The following PHF21B variants were observed in gnomAD, a reference collection of about 807,000 sequenced individuals.
The protein encoded by PHF21B is PHD finger protein 4.
In PHF21B, 22 loss-of-function variants were observed where a neutral mutation model predicts 62.2. The ratio of observed to expected loss-of-function variants is 0.35; its 90% CI spans 0.25 to 0.51. PHF21B has a LOEUF of 0.51. Ranked by LOEUF, PHF21B falls within the 20% of genes least tolerant of loss-of-function variation. The pLI is 0.97. For missense variants in PHF21B, 701 were observed against 707.9 expected, an observed-to-expected ratio of 0.99 and a Z score of 0.11; for synonymous variants, 341 against 314.7, an observed-to-expected ratio of 1.08 and a Z score of -0.88.
At chr22:44,977,824 T>C (rs988588073) in intron 2 of PHF21B, among the ~76,000 whole-genome samples, 4 of 151,572 alleles carry the variant, frequency 2.6e-5, no homozygotes, top group Admixed American at 2.6e-4. Flanking sequence ...TGGCCTCAAG[T>C]AATCCTCCCA....
At chr22:44,983,898 T>C (rs1281217898) in intron 2 of PHF21B, among the ~76,000 whole-genome samples, 1 of 151,860 alleles carries the variant, frequency 6.6e-6, no homozygotes, top group East Asian at 2.0e-4. Flanking sequence ...AAAGGGAAGT[T>C]TGGGGAGATT....
intron 2 of PHF21B, among the ~76,000 whole-genome samples, chr22:44,999,088 C>T (rs1313745701): frequency 6.6e-6 from 1 of 152,176 alleles, no homozygotes; most frequent in African/African-American, 2.4e-5. Flanking sequence ...CAATCGGAGC[C>T]GCCAAGGGAT....
chr22:44,907,813 G>A (rs890937265), intron 5 of PHF21B, among the ~76,000 whole-genome samples: 8 of 152,194 alleles, frequency 5.3e-5, no homozygotes, highest in African/African-American at 1.9e-4. Flanking sequence ...CATAGGCCCT[G>A]ACAATTATTA....
At chr22:44,887,456 TCTCA>T (rs2070879239) in intron 10 of PHF21B, among the ~76,000 whole-genome samples, 1 of 152,126 alleles carries the variant, frequency 6.6e-6, no homozygotes, top group Non-Finnish European at 1.5e-5. Flanking sequence ...TGGCGGAATA[TCTCA>T]CTGAGTGCAG....
intron 2 of PHF21B, among the ~76,000 whole-genome samples, chr22:44,988,459 CA>C (rs896444809): frequency 4.7e-5 from 7 of 150,414 alleles, no homozygotes; most frequent in African/African-American, 1.7e-4. Context: ...AAGACCCTGT[CA>C]AAAGAAAGGA....
intron 5 of PHF21B, among the ~76,000 whole-genome samples, chr22:44,906,810 G>C (rs2071259291): frequency 6.6e-6 from 1 of 152,206 alleles, no homozygotes; most frequent in Non-Finnish European, 1.5e-5. Context: ...GGAGAAGGAA[G>C]GGGAAGCACA....
intron 2 of PHF21B, among the ~76,000 whole-genome samples, chr22:44,974,342 A>T (rs1037608052): frequency 4.6e-5 from 7 of 151,134 alleles, no homozygotes; most frequent in Non-Finnish European, 7.4e-5. Context: ...TGAGGCCAGG[A>T]GGTTGAGACT....
intron 11 of PHF21B, 80 bp downstream of exon 11, chr22:44,885,783 C>T: frequency 7.1e-7 from 1 of 1,418,240 alleles, no homozygotes; most frequent in South Asian, 1.3e-5. Context: ...TGTCCTCCCA[C>T]AGGACCAGGT....
At chr22:44,923,516 T>C (rs754561774) in intron 2 of PHF21B, among the ~76,000 whole-genome samples, 1 of 152,018 alleles carries the variant, frequency 6.6e-6, no homozygotes, top group Non-Finnish European at 1.5e-5. Flanking sequence ...ATAAATTAAC[T>C]TCAACAAAAT....
At chr22:44,976,258 CATCAA>C (rs2072736675) in intron 2 of PHF21B, among the ~76,000 whole-genome samples, 1 of 152,190 alleles carries the variant, frequency 6.6e-6, no homozygotes, top group African/African-American at 2.4e-5. Context: ...ATTGTGTAAT[CATCAA>C]ATCAAGGTAT....
intron 5 of PHF21B, among the ~76,000 whole-genome samples, chr22:44,912,755 T>G (rs550323887): frequency 6.6e-6 from 1 of 151,736 alleles, no homozygotes; most frequent in Admixed American, 6.6e-5. Context: ...GTGCACACCT[T>G]GTAGTCCCAG....
intron 2 of PHF21B, among the ~76,000 whole-genome samples, chr22:44,969,606 C>T (rs565556562): frequency 6.6e-6 from 1 of 152,090 alleles, no homozygotes; most frequent in Admixed American, 6.5e-5. Flanking sequence ...GTAGAGGTTA[C>T]AGTGAGCTGA....
At chr22:44,960,188 C>G (rs1006468580) in intron 2 of PHF21B, among the ~76,000 whole-genome samples, 1 of 152,226 alleles carries the variant, frequency 6.6e-6, no homozygotes, top group African/African-American at 2.4e-5. Flanking sequence ...GAGGCCTCCA[C>G]AAGCCACGGG....
intron 2 of PHF21B, among the ~76,000 whole-genome samples, chr22:44,928,957 T>TGGGGAGGCGAGA (rs780707850): frequency 7.2e-5 from 11 of 152,148 alleles, no homozygotes; most frequent in African/African-American, 1.2e-4. Context: ...TTCACCAGGC[T>TGGGGAGGCGAGA]GGGGAGGCGA....
intron 5 of PHF21B, among the ~76,000 whole-genome samples, chr22:44,897,094 G>C (rs913562630): frequency 1.3e-5 from 2 of 151,904 alleles, no homozygotes; most frequent in East Asian, 1.9e-4. Context: ...GCCCAGGCTG[G>C]TCTTGAACTC....
At chr22:44,969,786 G>A (rs556636710) in intron 2 of PHF21B, among the ~76,000 whole-genome samples, 2 of 152,262 alleles carry the variant, frequency 1.3e-5, no homozygotes, top group East Asian at 1.9e-4. Flanking sequence ...TAGACTTTCC[G>A]CTATCTCACC....
At chr22:44,960,591 A>G (rs73422568) in intron 2 of PHF21B, among the ~76,000 whole-genome samples, 9,266 of 152,232 alleles carry the variant, frequency 0.061, 899 homozygotes, top group African/African-American at 0.21. Context: ...ACCATGGGGT[A>G]CACAGACATC....
intron 2 of PHF21B, among the ~76,000 whole-genome samples, chr22:44,985,996 C>T (rs1021666291): frequency 2.4e-4 from 36 of 151,000 alleles, no homozygotes; most frequent in African/African-American, 8.5e-4. Flanking sequence ...ATCACCATCA[C>T]CATGACAACC....
intron 2 of PHF21B, among the ~76,000 whole-genome samples, chr22:44,961,896 G>A (rs1405164496): frequency 2.1e-5 from 3 of 145,692 alleles, no homozygotes; most frequent in Admixed American, 7.0e-5. Flanking sequence ...AAATAAATAA[G>A]TATAATGACC....
Sources: allele counts gnomAD v4.1 joint callset (sites outside exome capture counted in the v4.1 genomes callset), GRCh38; gene constraint gnomAD v4.1.1; transcripts MANE v1.5; gene names NCBI Gene and HGNC (gene_info 2026-07-23, HGNC 2026-07-21).